The following ARSJ variants were observed in gnomAD, a reference collection of about 807,000 sequenced individuals.
ARSJ encodes the protein arylsulfatase family member J, also known as arylsulfatase J.
A neutral mutation model predicts 35.9 loss-of-function variants in ARSJ; 26 were observed. That is an observed-to-expected ratio of 0.72 (90% confidence interval 0.53 to 1.00). The LOEUF (loss-of-function observed/expected upper bound fraction) is 1.00. Among genes scored for constraint, ARSJ ranks in the 50% least tolerant of loss-of-function variants. ARSJ has a pLI of 0.00. For missense variants in ARSJ, 667 were observed against 723.6 expected, an observed-to-expected ratio of 0.92 and a Z score of 0.90; for synonymous variants, 294 against 267.6, an observed-to-expected ratio of 1.10 and a Z score of -0.96.
rs143359989 is a variant in ARSJ, at chr4:113,920,754, C to A, written c.399-17079G>T. On this transcript the variant is annotated intron_variant, in intron 1 of 1. Transcript: ENST00000315366. ...TCTGAGCATTGTCTACTTTGAGTGT[C>A]AACTATGAGAAAGTCAGTTTGGCAA... Among the ~76,000 whole-genome samples the A allele has an allele frequency of 3.3e-5, 5 of 152,146 alleles. No individual in the cohort carries two copies. The East Asian group carries it at 9.7e-4, about 29-fold the overall frequency.
intron 1 of ARSJ, among the ~76,000 whole-genome samples, chr4:113,908,437 T>G (rs928309041): frequency 3.3e-5 from 5 of 152,192 alleles, no homozygotes; most frequent in Non-Finnish European, 5.9e-5. Flanking sequence ...AAAATCTAAC[T>G]GGGATAAATA....
At chr4:113,922,860 A>T (rs1463035195) in intron 1 of ARSJ, among the ~76,000 whole-genome samples, 4 of 152,198 alleles carry the variant, frequency 2.6e-5, no homozygotes, top group Non-Finnish European at 5.9e-5. Flanking sequence ...GTTTAATTTT[A>T]TATGTCAACT....
At chr4:113,957,857 C>CA (rs1479247287) in intron 1 of ARSJ, among the ~76,000 whole-genome samples, 2 of 152,088 alleles carry the variant, frequency 1.3e-5, no homozygotes, top group African/African-American at 4.8e-5. Context: ...TATCAACAAA[C>CA]AAAAAATCAG....
At chr4:113,962,909 G>A (rs1726647019) in intron 1 of ARSJ, among the ~76,000 whole-genome samples, 1 of 151,908 alleles carries the variant, frequency 6.6e-6, no homozygotes, top group Non-Finnish European at 1.5e-5. Context: ...ATCTCTCCTG[G>A]TCTGTCTCTG....
At chr4:113,970,937 A>C (rs769276241) in intron 1 of ARSJ, 4 of 152,148 alleles carry the variant, frequency 2.6e-5, no homozygotes, top group Non-Finnish European at 4.4e-5. Context: ...CCTGGGCGAC[A>C]CAGCAGGACC....
intron 1 of ARSJ, among the ~76,000 whole-genome samples, chr4:113,946,804 T>G (rs1016258389): frequency 1.3e-5 from 2 of 152,152 alleles, no homozygotes; most frequent in Non-Finnish European, 2.9e-5. Context: ...TAAAATTATT[T>G]TGGCGACTTG....
intron 1 of ARSJ, among the ~76,000 whole-genome samples, chr4:113,929,616 G>A (rs761860976): frequency 6.6e-6 from 1 of 152,108 alleles, no homozygotes; most frequent in Admixed American, 6.5e-5. Context: ...TAGACACCTG[G>A]TGAGGCTGTG....
intron 1 of ARSJ, among the ~76,000 whole-genome samples, chr4:113,931,883 T>C (rs924683222): frequency 6.6e-6 from 1 of 151,892 alleles, no homozygotes; most frequent in African/African-American, 2.4e-5. Flanking sequence ...TCCCAATCGG[T>C]AAAGAATGGT....
At chr4:113,943,590 A>G (rs1725294410) in intron 1 of ARSJ, 1 of 152,094 alleles carries the variant, frequency 6.6e-6, no homozygotes, top group African/African-American at 2.4e-5. Flanking sequence ...AACCAAGAAA[A>G]TTCAGGTAGT....
intron 1 of ARSJ, among the ~76,000 whole-genome samples, chr4:113,961,472 C>T (rs1377587451): frequency 6.6e-6 from 1 of 152,002 alleles, no homozygotes; most frequent in East Asian, 1.9e-4. Flanking sequence ...TGCATTAAAA[C>T]AAACATTCCT....
chr4:113,902,359 T>G lies in ARSJ; in HGVS notation c.1715A>C (p.Lys572Thr). The G allele has an allele frequency of 6.2e-7, 1 of 1,613,670 alleles. No homozygotes were observed. The highest frequency in any genetic ancestry group is 1.6e-4 in the Middle Eastern group (1 of 6,062). Residue 572 changes from lysine to threonine, a missense_variant, in exon 2 of 2, where the codon AAG (lysine) becomes ACG (threonine). Coordinates refer to ENST00000315366, the MANE Select transcript of ARSJ (RefSeq NM_024590.4). ...CTTCTTTTTTTTGCTTTTCTTTTGC[T>G]TTTTCTCAGCCTGATTTTTGCTTGG... ...KKPSKNQAEKKQKKSKKKKKK... is the reference protein window; with the variant it reads ...KKPSKNQAEKTQKKSKKKKKK...
intron 1 of ARSJ, among the ~76,000 whole-genome samples, chr4:113,905,688 T>TTTTTTTTTTTTTTTTTTTA (rs1562331365): frequency 7.0e-6 from 1 of 142,290 alleles, no homozygotes. Context: ...TTTTTTTTTT[T>TTTTTTTTTTTTTTTTTTTA]AGACAGTCTC....
At chr4:113,957,945 G>A (rs189040474) in intron 1 of ARSJ, among the ~76,000 whole-genome samples, 28 of 152,162 alleles carry the variant, frequency 1.8e-4, no homozygotes, top group Non-Finnish European at 2.8e-4. Context: ...ACTAGTCTAC[G>A]TTCTATGCTA....
chr4:113,949,989 C>T (rs1562364887), intron 1 of ARSJ, among the ~76,000 whole-genome samples: 1 of 151,968 alleles, frequency 6.6e-6, no homozygotes, highest in African/African-American at 2.4e-5. Flanking sequence ...CCTCTAGTTT[C>T]CCCCCAACTT....
At chr4:113,920,913 T>C (rs1213121790) in intron 1 of ARSJ, among the ~76,000 whole-genome samples, 2 of 152,058 alleles carry the variant, frequency 1.3e-5, no homozygotes, top group Admixed American at 6.6e-5. Flanking sequence ...TGACAAGCAT[T>C]AGAATACATT....
At chr4:113,937,863 C>T (rs1562355726) in intron 1 of ARSJ, among the ~76,000 whole-genome samples, 1 of 152,022 alleles carries the variant, frequency 6.6e-6, no homozygotes, top group Non-Finnish European at 1.5e-5. Context: ...AGGAGAACTA[C>T]AAACCACTGC....
chr4:113,944,712 GA>G (rs1276519824), intron 1 of ARSJ, among the ~76,000 whole-genome samples: 1 of 151,966 alleles, frequency 6.6e-6, no homozygotes, highest in Non-Finnish European at 1.5e-5. Context: ...AGTGGTAGAA[GA>G]ATGAGAGTAA....
chr4:113,912,735 ATGTGTG>A (rs34936997), intron 1 of ARSJ, among the ~76,000 whole-genome samples: 186 of 147,554 alleles, frequency 1.3e-3, no homozygotes, highest in South Asian at 4.3e-3. Flanking sequence ...ATAAATGAGA[ATGTGTG>A]TGTGTGTGTG....
intron 1 of ARSJ, among the ~76,000 whole-genome samples, chr4:113,934,339 TAA>T (rs1724638818): frequency 6.6e-6 from 1 of 151,756 alleles, no homozygotes; most frequent in Non-Finnish European, 1.5e-5. Context: ...GAAATCACCC[TAA>T]GTGTTCATTA....
Sources: allele counts gnomAD v4.1 joint callset (sites outside exome capture counted in the v4.1 genomes callset), GRCh38; gene constraint gnomAD v4.1.1; transcripts MANE v1.5; gene names NCBI Gene and HGNC (gene_info 2026-07-23, HGNC 2026-07-21).